OPCML: variants seen among roughly 807,000 people sequenced by gnomAD.
OPCML encodes the protein opioid binding protein/cell adhesion molecule like.
A neutral mutation model predicts 37.8 loss-of-function variants in OPCML; 13 were observed. That is an observed-to-expected ratio of 0.34 (90% CI 0.22 to 0.55). OPCML has a LOEUF of 0.55. Among genes scored for constraint, OPCML ranks in the 20% least tolerant of loss-of-function variants. The pLI is 0.91. For synonymous variants in OPCML, 176 were observed against 168.8 expected, an observed-to-expected ratio of 1.04 and a Z score of -0.33; for missense variants, 341 against 435.6, an observed-to-expected ratio of 0.78 and a Z score of 1.93.
In OPCML at chr11:133,076,561, G is replaced by T. The variant is rs959441; in HGVS notation, c.62-133551C>A. Among the ~76,000 whole-genome samples the T allele has an allele frequency of 2.7e-3, 404 of 152,216 alleles. 8 individuals are homozygous for T. The highest frequency in any genetic ancestry group is 0.023 in the Admixed American group (353 of 15,286). On this transcript the variant is annotated intron_variant, in intron 1 of 7. Transcript: ENST00000524381. ...TGAACGTCATGCAAACGCAAGCGGC[G>T]GTCCAGACTTGATTCTCCCCTTTGG...
At chr11:132,517,320 G>C (rs536153865) in intron 4 of OPCML, among the ~76,000 whole-genome samples, 2 of 152,286 alleles carry the variant, frequency 1.3e-5, no homozygotes, top group South Asian at 2.1e-4. Context: ...GGAACACCAA[G>C]GGTGGTAGGT....
chr11:132,433,136 T>C (rs1397951469), intron 7 of OPCML, among the ~76,000 whole-genome samples: 2 of 151,976 alleles, frequency 1.3e-5, no homozygotes, highest in Non-Finnish European at 2.9e-5. Context: ...ACAGGGGACT[T>C]TGGAGGAAGG....
At chr11:132,673,080 G>A (rs1942547133) in intron 2 of OPCML, among the ~76,000 whole-genome samples, 1 of 152,068 alleles carries the variant, frequency 6.6e-6, no homozygotes. Flanking sequence ...ATGCATATTA[G>A]CAATAAGGTT....
intron 1 of OPCML, among the ~76,000 whole-genome samples, chr11:133,305,409 C>G (rs1389982172): frequency 6.6e-6 from 1 of 152,302 alleles, no homozygotes; most frequent in Non-Finnish European, 1.5e-5. Context: ...AAAGAGCCTT[C>G]CCTTCAGCTA....
intron 2 of OPCML, among the ~76,000 whole-genome samples, chr11:132,793,076 C>T (rs1039707821): frequency 3.9e-5 from 6 of 152,158 alleles, no homozygotes; most frequent in African/African-American, 7.2e-5. Context: ...TCCGGGGCGC[C>T]TCCGGCCCCA....
In OPCML at chr11:133,173,983, G is replaced by A. The variant is rs112590453; in HGVS notation, c.62-230973C>T. ...CCCCAGTCAGCCAATGCACCGGGAC[G>A]CTGACATAAATCAGGGGCAGCAACG... On this transcript the variant is annotated intron_variant, in intron 1 of 7. Coordinates refer to ENST00000524381, the MANE Select transcript of OPCML (RefSeq NM_001012393.5). The surrounding 1 kb of genome is among the most constrained non-coding windows in gnomAD (Gnocchi z 7.8). 0.03 allele frequency among the ~76,000 whole-genome samples: 4,636 copies of A among 152,286 alleles called. 92 individuals carry two copies. Among genetic ancestry groups the A allele is most frequent in the Non-Finnish European group, 0.032 (2,144 of 68,026 alleles).
chr11:133,284,446 A>G (rs920095605), intron 1 of OPCML, among the ~76,000 whole-genome samples: 2 of 152,220 alleles, frequency 1.3e-5, no homozygotes, highest in African/African-American at 4.8e-5. Flanking sequence ...TTTGCAGCAC[A>G]TACAAAACAA....
rs563246721 is a variant in OPCML at position 133,000,193 on chromosome 11, A to G, written c.62-57183T>C. ...TGCCTCAGCCTCTTGGCTCACTACA[A>G]CTTCCGCCTCCCAGGTTCAAGCACT... On this transcript the variant is annotated intron_variant, in intron 1 of 7. Coordinates refer to ENST00000524381, the MANE Select transcript of OPCML (RefSeq NM_001012393.5). Among the ~76,000 whole-genome samples, 7 of 152,070 alleles carry G rather than the reference A, an allele frequency of 4.6e-5. No individual in the cohort carries two copies. In the South Asian group the frequency reaches 8.3e-4, roughly 18 times the overall value.
chr11:132,513,390 T>C (rs1004459726), intron 4 of OPCML, among the ~76,000 whole-genome samples: 4 of 152,166 alleles, frequency 2.6e-5, no homozygotes, highest in African/African-American at 9.6e-5. Flanking sequence ...GGGGACCCCT[T>C]TGAAGATTTG....
chr11:133,278,653 T>A (rs1331318845), intron 1 of OPCML, among the ~76,000 whole-genome samples: 1 of 152,110 alleles, frequency 6.6e-6, no homozygotes, highest in Admixed American at 6.5e-5. Context: ...CTGCAGATAG[T>A]AGAAAGCCCA....
At chr11:132,570,773 A>ATATATG (rs2096435643) in intron 3 of OPCML, among the ~76,000 whole-genome samples, 1 of 107,196 alleles carries the variant, frequency 9.3e-6, no homozygotes, top group African/African-American at 3.9e-5. Flanking sequence ...ATATATATAT[A>ATATATG]TATATATATA....
At chr11:133,008,331 T>C in intron 1 of OPCML, 1 of 985,232 alleles carries the variant, frequency 1.0e-6, no homozygotes, top group Non-Finnish European at 1.2e-6. Context: ...AAAATGAAAA[T>C]GGGAAAGAGA....
intron 1 of OPCML, among the ~76,000 whole-genome samples, chr11:133,240,212 C>CAAAAAAAAAAAA (rs35643678): frequency 1.5e-5 from 1 of 66,042 alleles, no homozygotes; most frequent in African/African-American, 5.8e-5. Flanking sequence ...ACACTTGGGG[C>CAAAAAAAAAAAA]AAAAAAAAAA....
chr11:132,829,246 G>A (rs888906804), intron 2 of OPCML, among the ~76,000 whole-genome samples: 34 of 152,208 alleles, frequency 2.2e-4, no homozygotes, highest in Admixed American at 4.6e-4. Flanking sequence ...TAACTCAAAC[G>A]GAAACTGGAT....
intron 2 of OPCML, among the ~76,000 whole-genome samples, chr11:132,690,909 T>C (rs1943377011): frequency 6.6e-6 from 1 of 152,194 alleles, no homozygotes; most frequent in Admixed American, 6.5e-5. Context: ...AGATTCCATA[T>C]AGAAAAGTGC....
intron 3 of OPCML, among the ~76,000 whole-genome samples, chr11:132,655,662 C>A (rs1941668621): frequency 6.6e-6 from 1 of 152,208 alleles, no homozygotes; most frequent in Admixed American, 6.5e-5. Flanking sequence ...GTGCCAAGGA[C>A]TGCTGGGGAA....
chr11:132,896,748 G>A (rs1345495518), intron 2 of OPCML, among the ~76,000 whole-genome samples: 1 of 152,200 alleles, frequency 6.6e-6, no homozygotes, highest in Non-Finnish European at 1.5e-5. Flanking sequence ...TGACCAAGAA[G>A]TAGAAACTAC....
chr11:133,377,053 A>G (rs919356354), intron 1 of OPCML, among the ~76,000 whole-genome samples: 1 of 152,072 alleles, frequency 6.6e-6, no homozygotes, highest in East Asian at 1.9e-4. Flanking sequence ...TATGTAGTGT[A>G]GTGTTTCGAC....
intron 2 of OPCML, 88 bp from the exon 3 acceptor site, chr11:132,657,407 AT>A (rs1386171432): frequency 6.7e-7 from 1 of 1,493,640 alleles, no homozygotes; most frequent in African/African-American, 1.4e-5. Context: ...AAGACGTTGC[AT>A]TTTGAGGAGT....
Sources: allele counts gnomAD v4.1 joint callset (sites outside exome capture counted in the v4.1 genomes callset), GRCh38; gene constraint gnomAD v4.1.1; non-coding constraint Gnocchi (gnomAD v3.1); transcripts MANE v1.5; gene names NCBI Gene and HGNC (gene_info 2026-07-23, HGNC 2026-07-21).